CPSF1: variants seen among roughly 807,000 people sequenced by gnomAD.
The protein encoded by CPSF1 is cleavage and polyadenylation specific factor 1.
CPSF1 carries 106 observed loss-of-function variants against 175.8 expected under a neutral mutation model. That is an observed-to-expected ratio of 0.60 (90% confidence interval 0.52 to 0.71). CPSF1 has a LOEUF of 0.71. CPSF1 is among the 30% of genes least tolerant of loss of function. The pLI, the probability that CPSF1 is intolerant of heterozygous loss-of-function variation, is 0.00. For missense variants in CPSF1, 1,734 were observed against 2,022.9 expected (o/e 0.86, Z 2.74); for synonymous variants, 1,024 against 858.3 (o/e 1.19, Z -3.37).
Position 144,395,105 on chromosome 8 carries a change from TG to T in CPSF1, c.3264del (p.Asn1089MetfsTer12). 1 of 1,610,096 alleles carries T rather than the reference TG, an allele frequency of 6.2e-7. No individual in the cohort carries two copies. The highest frequency in any genetic ancestry group is 8.5e-7 in the Non-Finnish European group (1 of 1,178,056). ...CCGCCGGCCCAGCCTCACCTGGCAT[TG>T]GGAATAGCCTCCCAGCTGACCGGGG... ...LISPVSWEAIPNARIELQEWE... is the reference protein window; with the variant it reads ...LISPVSWEAIXNARIELQEWE... On this transcript the variant is annotated frameshift_variant, in exon 29 of 38. Transcript: ENST00000616140. LOFTEE classifies it high-confidence loss of function.
At chr8:144,407,024 C>T (rs1427607142) in intron 2 of CPSF1, among the ~76,000 whole-genome samples, 1 of 151,962 alleles carries the variant, frequency 6.6e-6, no homozygotes, top group African/African-American at 2.4e-5. Flanking sequence ...AAGCAATTCT[C>T]CTGCCTCAGC....
chr8:144,393,406 T>C (rs1564681227), intron 37 of CPSF1, 41 bp from the exon 38 acceptor site: 1 of 896,930 alleles, frequency 1.1e-6, no homozygotes, highest in East Asian at 4.1e-5. Context: ...TGGGTGGGGA[T>C]GCACACGGAG....
Position 144,398,938 on chromosome 8 carries a change from C to A in CPSF1, c.1548+20G>T, listed in dbSNP as rs2116856445. ...CCCAGGTCCCACCAGGAGGCGCCCG[C>A]CCCCTACCTGCCCACACACCTGCAG... On this transcript the variant is annotated intron_variant, in intron 16 of 37. Coordinates refer to ENST00000616140, the MANE Select transcript of CPSF1 (RefSeq NM_013291.3). 1.9e-6 allele frequency: 3 copies of A among 1,612,564 alleles called. No individual in the cohort carries two copies.
Position 144,393,788 on chromosome 8 carries a change from C to T in CPSF1, c.4024G>A (p.Asp1342Asn), listed in dbSNP as rs1554862370. ...NKHITWFATLDGGIGLLLPMQ... is the reference protein window; with the variant it reads ...NKHITWFATLNGGIGLLLPMQ... ...GGCAGCAGCAGCCCGATGCCGCCGT[C>T]CAGGGTGGCTGGCAGGGGTAGGGTG... The change falls in exon 36 of 38, where the codon GAC (aspartate) becomes AAC (asparagine). Residue 1342 changes from aspartate (D) to asparagine (N), a missense_variant. This residue lies in a region of CPSF1 where 323 missense variants were observed against 338.5 expected (regional missense o/e 0.95). Coordinates refer to ENST00000616140, the MANE Select transcript of CPSF1 (RefSeq NM_013291.3). 2.5e-6 allele frequency: 4 copies of T among 1,599,090 alleles called. No individual in the cohort carries two copies. The highest frequency in any genetic ancestry group is 3.4e-6 in the Non-Finnish European group (4 of 1,178,182).
chr8:144,397,466 A>G, intron 22 of CPSF1, 21 bp downstream of exon 22: 1 of 1,598,752 alleles, frequency 6.3e-7, no homozygotes, highest in African/African-American at 1.3e-5. Flanking sequence ...CCGCTGGGCC[A>G]CAGTGCAGGG....
intron 9 of CPSF1, 31 bp downstream of exon 9, chr8:144,400,135 G>GGGGGGCCCCCCCCCCCCCCCCC: frequency 1.9e-5 from 17 of 895,964 alleles, no homozygotes; most frequent in Non-Finnish European, 2.7e-5. Context: ...CCGTCCCCGG[G>GGGGGGCCCCCCCCCCCCCCCCC]CCCCCCCCGC....
chr8:144,408,955 G>T (rs2116912385), intron 2 of CPSF1, 60 bp downstream of exon 2: 2 of 1,575,162 alleles, frequency 1.3e-6, no homozygotes, highest in Admixed American at 1.8e-5. Context: ...ATCTGCAACC[G>T]GGGGCGGTGA....
At chr8:144,405,002 G>A (rs1821418324) in intron 2 of CPSF1, among the ~76,000 whole-genome samples, 1 of 151,470 alleles carries the variant, frequency 6.6e-6, no homozygotes, top group South Asian at 2.1e-4. Flanking sequence ...CCGAGATTGT[G>A]CCACTGCACT....
At position 144,393,382 on chromosome 8, in the gene CPSF1, G is replaced by GTGGGTGGGTGGGTGGGAGGGGATGGAAGA; in HGVS notation, c.4285-18_4285-17insTCTTCCATCCCCTCCCACCCACCCACCCA. The GTGGGTGGGTGGGTGGGAGGGGATGGAAGA allele has an allele frequency of 1.8e-6, 2 of 1,100,242 alleles. No individual in the cohort carries two copies. Among genetic ancestry groups the GTGGGTGGGTGGGTGGGAGGGGATGGAAGA allele is most frequent in the Non-Finnish European group, 2.6e-6 (2 of 780,268 alleles). The allele number at this position is 1,100,242 out of a possible 1,614,324, so 68.2% of individuals were successfully genotyped here. On this transcript the variant is annotated splice_polypyrimidine_tract_variant and intron_variant, in intron 37 of 37. Coordinates refer to ENST00000616140, the MANE Select transcript of CPSF1 (RefSeq NM_013291.3). ...GTCCAGGATCTGCAGGGGATGGAAG[G>GTGGGTGGGTGGGTGGGAGGGGATGGAAGA]GTGGGTGGGTGGGTGGGTGGGGATG...
chr8:144,397,784 G>A lies in CPSF1; in HGVS notation c.2169C>T (p.Gly723=), dbSNP rs368385428. The A allele has an allele frequency of 5.9e-5, 95 of 1,609,736 alleles. No individual in the cohort carries two copies. Among genetic ancestry groups the A allele is most frequent in the Non-Finnish European group, 7.9e-5 (93 of 1,178,632 alleles). ...RLGGARDELG[G]RSGPEAEGLG... is the part of the protein sequence containing the mutation. ...GGCCCTCGGCCTCCGGGCCACTGCG[G>A]CCCCCGAGCTCGTCACGGGCCCCAC... Residue 723 remains glycine, a synonymous_variant, in exon 21 of 38, where the codon GGC becomes GGT. Transcript: ENST00000616140.
intron 2 of CPSF1, among the ~76,000 whole-genome samples, chr8:144,404,235 C>CA (rs2116897409): frequency 2.7e-3 from 411 of 151,888 alleles, no homozygotes; most frequent in African/African-American, 9.5e-3. Context: ...AAAAAACAAA[C>CA]AAAAAAAGAA....
rs781930752 is a variant in CPSF1, at chr8:144,394,569, C to CGAGGGT, written c.3568-20_3568-15dup. On this transcript the variant is annotated splice_polypyrimidine_tract_variant and intron_variant, in intron 31 of 37. Transcript: ENST00000616140. ...CCACAGGAAAATCTGGGGGCGAGGG[C>CGAGGGT]GAGGGTGAGCGGGCGCGGACGGGGA... 2 of 1,606,268 alleles carry CGAGGGT rather than the reference C, an allele frequency of 1.2e-6. No homozygotes were observed. Among genetic ancestry groups the CGAGGGT allele is most frequent in the Admixed American group, 1.7e-5 (1 of 58,952 alleles).
Position 144,399,583 on chromosome 8 carries a change from C to T in CPSF1, c.1242+5G>A. 1 of 1,610,548 alleles carries T rather than the reference C, an allele frequency of 6.2e-7. No homozygotes were observed. The highest frequency in any genetic ancestry group is 8.5e-7 in the Non-Finnish European group (1 of 1,178,514). On this transcript the variant is annotated splice_donor_5th_base_variant and intron_variant, in intron 12 of 37. Coordinates refer to ENST00000616140, the MANE Select transcript of CPSF1 (RefSeq NM_013291.3). This position sits in a 1 kb window ranked among gnomAD's most constrained non-coding sequence, Gnocchi z 6.4. Reference sequence around the variant, plus strand: ...GTGGTGGCCCAATGGGCCCAGGAAACCCACCTTGTCGGCAGCCTCACGGAC... The same window carrying T: ...GTGGTGGCCCAATGGGCCCAGGAAATCCACCTTGTCGGCAGCCTCACGGAC...
chr8:144,409,318 C>A lies in CPSF1; in HGVS notation c.-44G>T. ...CAGTTGGAGCCGACTCGAGAGGAAC[C>A]GGGACAGCAGCGAACTCAGTCCGGC... On this transcript the variant is annotated 5_prime_UTR_variant, in exon 1 of 38. Transcript: ENST00000616140. 1.9e-6 allele frequency: 1 copy of A among 516,284 alleles called. No homozygotes were observed. Among genetic ancestry groups the A allele is most frequent in the Non-Finnish European group, 2.8e-6 (1 of 354,628 alleles). The allele number at this position is 516,284 out of a possible 1,614,324, so 32.0% of individuals were successfully genotyped here. A position where few individuals can be genotyped will look rare whatever the true frequency, so the allele number is the denominator to read the frequency against.
Position 144,395,504 on chromosome 8 carries a change from G to C in CPSF1, c.3027C>G (p.Ala1009=). Residue 1009 remains alanine, a synonymous_variant, in exon 27 of 38, where the codon GCC becomes GCG. Coordinates refer to ENST00000616140, the MANE Select transcript of CPSF1 (RefSeq NM_013291.3). ...SVLPAYLSYD[A]PWPVRKIPLR... ...GCGGGATCTTCCTGACAGGCCATGG[G>C]GCATCATAGGACAGGTAGGCAGGCA... 6.4e-7 allele frequency: 1 copy of C among 1,562,460 alleles called. No individual in the cohort carries two copies. The highest frequency in any genetic ancestry group is 1.1e-5 in the South Asian group (1 of 90,464).
At position 144,409,004 on chromosome 8, in the gene CPSF1, G is replaced by A; in HGVS notation, c.144+11C>T. 9.9e-6 allele frequency: 16 copies of A among 1,611,870 alleles called. No homozygotes were observed. Among genetic ancestry groups the A allele is most frequent in the Non-Finnish European group, 1.4e-5 (16 of 1,179,152 alleles). ...GCGGACAGCCGGGAGGGCTCCCAGG[G>A]CCCGACCTACCTCGGCGTCGCGGTT... On this transcript the variant is annotated intron_variant, in intron 2 of 37. Coordinates refer to ENST00000616140, the MANE Select transcript of CPSF1 (RefSeq NM_013291.3).
intron 9 of CPSF1, 25 bp downstream of exon 9, chr8:144,400,141 C>CT (rs1554866017): frequency 1.6e-6 from 2 of 1,254,118 alleles, no homozygotes; most frequent in African/African-American, 1.6e-5. Context: ...CCGGGCCCCC[C>CT]CCGCCCCAGC....
Position 144,394,644 on chromosome 8 carries a change from C to CT in CPSF1, c.3566dup (p.Ile1190AspfsTer84), listed in dbSNP as rs1554862893. Reference sequence around the variant, plus strand: ...CACACGCCGGGTGGGACTGGCACACCTTCTGGCCGATGGCCGACACCAGGT... The same window carrying CT: ...CACACGCCGGGTGGGACTGGCACACCTTTCTGGCCGATGGCCGACACCAGGT... On this transcript the variant is annotated frameshift_variant and splice_region_variant, in exon 31 of 38. Transcript: ENST00000616140. LOFTEE classifies it high-confidence loss of function. 1 of 1,605,914 alleles carries CT rather than the reference C, an allele frequency of 6.2e-7. No homozygotes were observed. Among genetic ancestry groups the CT allele is most frequent in the East Asian group, 2.2e-5 (1 of 44,608 alleles).
rs374067153 is a variant in CPSF1, at chr8:144,396,575, C to T, written c.2826+23G>A. 1,573 of 1,610,320 alleles carry T rather than the reference C, an allele frequency of 9.8e-4. 3 individuals are homozygous for T. Among genetic ancestry groups the T allele is most frequent in the South Asian group, 1.9e-3 (169 of 90,920 alleles). On this transcript the variant is annotated intron_variant, in intron 25 of 37. Transcript: ENST00000616140. The stretch of plus-strand genomic sequence containing the variant: ...GGCCGCGTCTCCCTTCTACCACAGA[C>T]CCCTGCAAAGGCGCTGGCCTACCCC...
Sources: allele counts gnomAD v4.1 joint callset (sites outside exome capture counted in the v4.1 genomes callset), GRCh38; gene constraint gnomAD v4.1.1; regional missense constraint gnomAD v4.1.1; non-coding constraint Gnocchi (gnomAD v3.1); transcripts MANE v1.5; gene names NCBI Gene and HGNC (gene_info 2026-07-23, HGNC 2026-07-21).